OR2L13: variants seen among roughly 807,000 people sequenced by gnomAD.
The protein encoded by OR2L13 is olfactory receptor family 2 subfamily L member 13.
In OR2L13, 14 loss-of-function variants were observed where a neutral mutation model predicts 15.3. The ratio of observed to expected loss-of-function variants is 0.91; its 90% CI spans 0.60 to 1.43. The LOEUF (loss-of-function observed/expected upper bound fraction) is 1.43. Ranked by LOEUF, OR2L13 falls within the 40% of genes most tolerant of loss-of-function variation. The probability of loss-of-function intolerance (pLI) is 0.00; values close to 1 mark genes in which losing one functional copy is unlikely to be tolerated. For missense variants in OR2L13, 367 were observed against 387.9 expected (o/e 0.95, Z 0.45); for synonymous variants, 152 against 142.9 (o/e 1.06, Z -0.45).
At chr1:248,059,088 CT>C in the OR2L13 span, among the ~76,000 whole-genome samples, 2,158 of 152,240 alleles carry the variant, frequency 0.014, 62 homozygotes, top group African/African-American at 0.048. Flanking sequence ...TTCATTCTTT[CT>C]GCATTTTTAA....
At chr1:248,061,743 A>G in the OR2L13 span, 3 of 913,250 alleles carry the variant, frequency 3.3e-6, no homozygotes, top group African/African-American at 3.3e-5. Context: ...AGAGAAAAAA[A>G]TCACTGATTT....
chr1:247,946,427 C>T, the OR2L13 span, among the ~76,000 whole-genome samples: 2 of 152,100 alleles, frequency 1.3e-5, no homozygotes, highest in Admixed American at 6.6e-5. Context: ...GCTGCCAGTC[C>T]TTCATTATTA....
the OR2L13 span, chr1:248,039,411 T>A: frequency 2.6e-6 from 1 of 387,868 alleles, no homozygotes; most frequent in Non-Finnish European, 4.5e-6. Flanking sequence ...TTGTGTGTGG[T>A]TTTTGTTTGT....
the OR2L13 span, among the ~76,000 whole-genome samples, chr1:248,059,231 T>C: frequency 6.6e-6 from 1 of 152,188 alleles, no homozygotes; most frequent in Non-Finnish European, 1.5e-5. Flanking sequence ...TATTTGGCTC[T>C]AGACTAATAT....
At chr1:248,016,799 G>A in the OR2L13 span, among the ~76,000 whole-genome samples, 1 of 151,988 alleles carries the variant, frequency 6.6e-6, no homozygotes, top group Non-Finnish European at 1.5e-5. Flanking sequence ...GTATGTGTGT[G>A]TTTGTGTAAA....
chr1:248,023,568 C>T, the OR2L13 span: 1 of 152,198 alleles, frequency 6.6e-6, no homozygotes, highest in Non-Finnish European at 1.5e-5. Flanking sequence ...CACGGGTATT[C>T]TCATGCAAGA....
the OR2L13 span, among the ~76,000 whole-genome samples, chr1:247,946,017 C>T: frequency 3.2e-4 from 48 of 152,206 alleles, no homozygotes; most frequent in South Asian, 1.0e-2. Context: ...TTTTTGTCTT[C>T]TTTAATCGCT....
At chr1:247,965,601 C>T in the OR2L13 span, 9 of 1,573,010 alleles carry the variant, frequency 5.7e-6, no homozygotes, top group Non-Finnish European at 7.8e-6. Flanking sequence ...TGTACATCTC[C>T]ACCACAGTGC....
the OR2L13 span, among the ~76,000 whole-genome samples, chr1:248,007,603 C>T: frequency 6.6e-6 from 1 of 152,218 alleles, no homozygotes; most frequent in African/African-American, 2.4e-5. Context: ...TTCATTACCT[C>T]ACAGAGTTCT....
the OR2L13 span, chr1:247,949,793 G>A: frequency 6.2e-7 from 1 of 1,608,100 alleles, no homozygotes; most frequent in Non-Finnish European, 8.5e-7. Flanking sequence ...CTGTGAAAAT[G>A]TAGAAACACT....
At chr1:248,096,617 C>G (rs191213133), upstream of OR2L13, among the ~76,000 whole-genome samples, 20 of 152,100 alleles carry the variant, frequency 1.3e-4, no homozygotes, top group Non-Finnish European at 1.5e-5. Flanking sequence ...TTATAGTTGT[C>G]CTATACGTTG....
exon 3 of OR2L13, chr1:248,099,871 C>A: frequency 1.9e-6 from 3 of 1,614,120 alleles, no homozygotes; most frequent in Non-Finnish European, 2.5e-6. Flanking sequence ...CCTTCATATT[C>A]CCTACTGCAG....
the OR2L13 span, among the ~76,000 whole-genome samples, chr1:247,973,605 A>C: frequency 6.6e-6 from 1 of 152,234 alleles, no homozygotes; most frequent in Non-Finnish European, 1.5e-5. Context: ...AGAACTACAA[A>C]AAGTGGGCGA....
chr1:248,058,529 G>T, the OR2L13 span, among the ~76,000 whole-genome samples: 1 of 151,620 alleles, frequency 6.6e-6, no homozygotes, highest in African/African-American at 2.4e-5. Context: ...GTAAAACCTG[G>T]TTATATATAT....
the OR2L13 span, among the ~76,000 whole-genome samples, chr1:248,076,756 G>T: frequency 6.6e-6 from 1 of 152,190 alleles, no homozygotes; most frequent in African/African-American, 2.4e-5. Context: ...AGATGATGGG[G>T]TTTACTAAAT....
chr1:247,958,843 C>A, the OR2L13 span, among the ~76,000 whole-genome samples: 41 of 152,014 alleles, frequency 2.7e-4, no homozygotes, highest in African/African-American at 9.4e-4. Context: ...TGTCTCTGCA[C>A]GTGAGATGGT....
At chr1:248,036,278 C>T in the OR2L13 span, among the ~76,000 whole-genome samples, 15 of 151,764 alleles carry the variant, frequency 9.9e-5, no homozygotes, top group East Asian at 3.9e-4. Context: ...TTTTCACTTT[C>T]GTATTTTGAA....
the OR2L13 span, among the ~76,000 whole-genome samples, chr1:248,072,407 G>C: frequency 2.6e-5 from 4 of 152,172 alleles, no homozygotes; most frequent in African/African-American, 7.2e-5. Flanking sequence ...AATGGTGCTG[G>C]GAAAACCCAT....
the OR2L13 span, among the ~76,000 whole-genome samples, chr1:247,952,002 C>CGTGT: frequency 3.8e-4 from 58 of 151,968 alleles, no homozygotes; most frequent in Non-Finnish European, 6.2e-4. Context: ...TGCGCGCGTG[C>CGTGT]GCGCATGAGA....
Sources: gnomAD v4.1 joint callset for allele counts (sites outside exome capture counted in the v4.1 genomes callset) on GRCh38, gnomAD v4.1.1 for gene constraint, MANE v1.5 for transcripts, NCBI Gene and HGNC (gene_info 2026-07-23, HGNC 2026-07-21) for gene names.